CADM2: variants seen among roughly 807,000 people sequenced by gnomAD.
CADM2 encodes immunoglobulin superfamily member 4D.
Under a neutral mutation model 49.8 loss-of-function variants are expected in CADM2, and 12 were observed. The ratio of observed to expected loss-of-function variants is 0.24; its 90% CI spans 0.15 to 0.39. The LOEUF (loss-of-function observed/expected upper bound fraction) is 0.39. Among genes scored for constraint, CADM2 ranks in the 10% least tolerant of loss-of-function variants. The pLI is 1.00. For synonymous variants in CADM2, 214 were observed against 175.4 expected, an observed-to-expected ratio of 1.22 and a Z score of -1.74; for missense variants, 378 against 492.3, an observed-to-expected ratio of 0.77 and a Z score of 2.20.
chr3:85,589,748 T>C (rs551839189), intron 1 of CADM2, among the ~76,000 whole-genome samples: 1 of 152,080 alleles, frequency 6.6e-6, no homozygotes, highest in Non-Finnish European at 1.5e-5. Context: ...ATTATAATCA[T>C]TGGCAATTTC....
intron 5 of CADM2, among the ~76,000 whole-genome samples, chr3:85,908,946 G>A (rs1420294742): frequency 2.0e-5 from 3 of 151,990 alleles, no homozygotes; most frequent in Admixed American, 6.6e-5. Context: ...GGATGGTCTC[G>A]ATATCCTGAC....
intron 1 of CADM2, among the ~76,000 whole-genome samples, chr3:85,151,811 T>C (rs1296971718): frequency 6.6e-6 from 1 of 152,216 alleles, no homozygotes; most frequent in Non-Finnish European, 1.5e-5. Context: ...AGCTGGCTTC[T>C]TGCTGTTCTT....
chr3:85,802,298 C>A (rs2072097418), intron 3 of CADM2, 102 bp downstream of exon 3: 6 of 973,806 alleles, frequency 6.2e-6, no homozygotes, highest in South Asian at 2.2e-5. Context: ...TTTTGATTAC[C>A]AAACTGCTGC....
At chr3:85,194,965 C>G (rs1196084670) in intron 1 of CADM2, among the ~76,000 whole-genome samples, 1 of 151,990 alleles carries the variant, frequency 6.6e-6, no homozygotes, top group East Asian at 1.9e-4. Context: ...GCCTCAGCCT[C>G]CTGAGTGGCT....
intron 1 of CADM2, among the ~76,000 whole-genome samples, chr3:85,340,879 A>T (rs1274703658): frequency 6.6e-6 from 1 of 151,636 alleles, no homozygotes; most frequent in African/African-American, 2.4e-5. Flanking sequence ...ATTTGCTGTT[A>T]CTGATGAAGC....
intron 2 of CADM2, among the ~76,000 whole-genome samples, chr3:85,776,420 T>G (rs1446966685): frequency 6.6e-6 from 1 of 151,868 alleles, no homozygotes; most frequent in Non-Finnish European, 1.5e-5. Context: ...TTGTGAATAC[T>G]ACTGAAGTCA....
At chr3:85,559,685 C>A (rs1449376) in intron 1 of CADM2, among the ~76,000 whole-genome samples, 10 of 150,826 alleles carry the variant, frequency 6.6e-5, no homozygotes, top group African/African-American at 7.3e-5. Flanking sequence ...CACACACACA[C>A]ACATATATAT....
At chr3:85,477,263 C>CACACACAA (rs2039015082) in intron 1 of CADM2, among the ~76,000 whole-genome samples, 1 of 150,554 alleles carries the variant, frequency 6.6e-6, no homozygotes, top group South Asian at 2.1e-4. Flanking sequence ...CACACACACA[C>CACACACAA]ACACACACAT....
At chr3:85,310,906 G>C (rs1269168932) in intron 1 of CADM2, among the ~76,000 whole-genome samples, 1 of 152,076 alleles carries the variant, frequency 6.6e-6, no homozygotes, top group Admixed American at 6.6e-5. Context: ...CTGAAATATT[G>C]TTCTCATAAT....
At chr3:85,033,085 C>T (rs556725496) in intron 1 of CADM2, among the ~76,000 whole-genome samples, 5 of 152,100 alleles carry the variant, frequency 3.3e-5, no homozygotes, top group South Asian at 4.1e-4. Flanking sequence ...GTTTTGCTTT[C>T]GTTTTTAATT....
chr3:86,065,747 C>A lies in CADM2; in HGVS notation c.1096+17C>A. 2 of 1,611,360 alleles carry A rather than the reference C, an allele frequency of 1.2e-6. No homozygotes were observed. The highest frequency in any genetic ancestry group is 8.5e-7 in the Non-Finnish European group (1 of 1,178,838). ...GGCATAAAGGTACGTTATATTTAGC[C>A]AGAGTACACAATGTGGGCAAAATAT... On this transcript the variant is annotated intron_variant, in intron 9 of 9. Coordinates refer to ENST00000383699, the MANE Select transcript of CADM2 (RefSeq NM_001167675.2).
chr3:85,990,013 CAAAAAAAAAAAAAA>C (rs58178176), intron 8 of CADM2, among the ~76,000 whole-genome samples: 4 of 9,628 alleles, frequency 4.2e-4, no homozygotes, highest in Non-Finnish European at 6.8e-4. Context: ...ACTCCATGTC[CAAAAAAAAAAAAAA>C]AAAAAAAAAA....
At chr3:85,898,203 T>C (rs1365381502) in intron 5 of CADM2, among the ~76,000 whole-genome samples, 1 of 152,168 alleles carries the variant, frequency 6.6e-6, no homozygotes, top group East Asian at 1.9e-4. Flanking sequence ...TCCAGGTGTA[T>C]ATGAGTGGTT....
At position 85,324,439 on chromosome 3, in the gene CADM2, A is replaced by G. The variant is rs115471551; in HGVS notation, c.61+364771A>G. Among the ~76,000 whole-genome samples, 1,007 of 152,248 alleles carry G rather than the reference A, an allele frequency of 6.6e-3. 8 individuals are homozygous for G. Among genetic ancestry groups the G allele is most frequent in the Non-Finnish European group, 0.011 (715 of 68,022 alleles). ...TTAAGTATACTCCTATTGAATTTTA[A>G]CAAGGACTCTGCATGCCGTCTGAAA... On this transcript the variant is annotated intron_variant, in intron 1 of 9. Coordinates refer to ENST00000383699, the MANE Select transcript of CADM2 (RefSeq NM_001167675.2).
intron 1 of CADM2, among the ~76,000 whole-genome samples, chr3:85,584,171 G>A (rs983052605): frequency 2.6e-5 from 4 of 151,956 alleles, no homozygotes; most frequent in Admixed American, 1.3e-4. Flanking sequence ...CATATAATAT[G>A]TGTATACTTC....
chr3:85,633,020 C>T (rs2064358719), intron 1 of CADM2, among the ~76,000 whole-genome samples: 1 of 151,846 alleles, frequency 6.6e-6, no homozygotes, highest in South Asian at 2.1e-4. Flanking sequence ...AGTATAGAAC[C>T]TTGGGAAACC....
chr3:85,415,648 CAT>C (rs1423313122), intron 1 of CADM2, among the ~76,000 whole-genome samples: 1 of 152,098 alleles, frequency 6.6e-6, no homozygotes, highest in African/African-American at 2.4e-5. Context: ...ATTTTCCTAA[CAT>C]TGCACATTTT....
intron 1 of CADM2, among the ~76,000 whole-genome samples, chr3:85,463,176 G>A (rs1559852680): frequency 2.6e-5 from 4 of 151,980 alleles, no homozygotes; most frequent in African/African-American, 7.2e-5. Flanking sequence ...TTTTTGTTCC[G>A]GTACCTTTTG....
At chr3:85,291,243 G>A in intron 1 of CADM2, among the ~76,000 whole-genome samples, 1 of 151,862 alleles carries the variant, frequency 6.6e-6, no homozygotes, top group Non-Finnish European at 1.5e-5. Flanking sequence ...AGAGAAAAAA[G>A]AATAAAAAGA....
Sources: gnomAD v4.1 joint callset for allele counts (sites outside exome capture counted in the v4.1 genomes callset) on GRCh38, gnomAD v4.1.1 for gene constraint, MANE v1.5 for transcripts, NCBI Gene and HGNC (gene_info 2026-07-23, HGNC 2026-07-21) for gene names.